Variants in PPP4R1 observed in about 807,000 individuals in gnomAD.
The protein encoded by PPP4R1 is protein phosphatase 4 regulatory subunit 1, also known as serine/threonine-protein phosphatase 4 regulatory subunit 1.
A neutral mutation model predicts 111.2 loss-of-function variants in PPP4R1; 42 were observed. That is an observed-to-expected ratio of 0.38 (90% CI 0.29 to 0.49). The LOEUF (loss-of-function observed/expected upper bound fraction) is 0.49, where lower values mean the gene tolerates loss of function less well. PPP4R1 is among the 20% of genes least tolerant of loss of function. The pLI, the probability that PPP4R1 is intolerant of heterozygous loss-of-function variation, is 0.97. For synonymous variants in PPP4R1, 409 were observed against 405.5 expected (o/e 1.01, Z -0.10); for missense variants, 1,012 against 1,161.6 (o/e 0.87, Z 1.87).
Position 9,588,783 on chromosome 18 carries a change from A to T in PPP4R1, c.366T>A (p.Pro122=). The change falls in exon 5 of 20, where the codon CCT becomes CCA. Residue 122 remains proline (P), a synonymous_variant. Coordinates refer to ENST00000400556, the MANE Select transcript of PPP4R1 (RefSeq NM_001042388.3). The part of the protein sequence containing the change: ...HIALFCQENR[P]SIPYAFSKFL... ...ATTTTGAAAAAGCATATGGTATTGA[A>T]GGCCGGTTTTCTTGACAAAACAGTG... 6.2e-7 allele frequency: 1 copy of T among 1,614,090 alleles called. No individual in the cohort carries two copies. Among genetic ancestry groups the T allele is most frequent in the Non-Finnish European group, 8.5e-7 (1 of 1,179,966 alleles).
intron 15 of PPP4R1, among the ~76,000 whole-genome samples, chr18:9,556,694 C>G (rs112298248): frequency 2.6e-5 from 4 of 152,294 alleles, no homozygotes; most frequent in Admixed American, 1.3e-4. Flanking sequence ...TCTCAAGACG[C>G]CTGAAATACC....
chr18:9,559,193 G>A (rs1307732561), intron 14 of PPP4R1, among the ~76,000 whole-genome samples: 1 of 152,150 alleles, frequency 6.6e-6, no homozygotes, highest in Non-Finnish European at 1.5e-5. Flanking sequence ...TGTTGAATGT[G>A]ATAACAATTT....
At chr18:9,599,692 T>A (rs2067348554) in intron 2 of PPP4R1, 1 of 152,198 alleles carries the variant, frequency 6.6e-6, no homozygotes, top group Non-Finnish European at 1.5e-5. Flanking sequence ...TGGCCTCAGT[T>A]TTCTCCTTTA....
intron 11 of PPP4R1, among the ~76,000 whole-genome samples, chr18:9,569,427 A>G (rs1003139174): frequency 1.3e-5 from 2 of 152,172 alleles, no homozygotes; most frequent in South Asian, 4.1e-4. Flanking sequence ...CAAACATTCT[A>G]TAGTCTTTCC....
chr18:9,558,837 C>G (rs997713944), intron 14 of PPP4R1, among the ~76,000 whole-genome samples: 1 of 151,792 alleles, frequency 6.6e-6, no homozygotes, highest in African/African-American at 2.4e-5. Context: ...AGAGGTCACA[C>G]AAAAGTCACA....
chr18:9,603,632 G>GCCA (rs1217209413), intron 2 of PPP4R1, among the ~76,000 whole-genome samples: 1 of 151,330 alleles, frequency 6.6e-6, no homozygotes, highest in Non-Finnish European at 1.5e-5. Flanking sequence ...AAGTGCATGT[G>GCCA]CCACCCACCA....
At chr18:9,562,216 A>T in intron 12 of PPP4R1, 141 bp from the exon 13 acceptor site, 1 of 619,878 alleles carries the variant, frequency 1.6e-6, no homozygotes, top group South Asian at 2.5e-5. Flanking sequence ...GCTTATAAAC[A>T]TACCTAAGAA....
chr18:9,583,310 A>G (rs1414753293), intron 8 of PPP4R1, 35 bp from the exon 9 acceptor site: 2 of 1,471,032 alleles, frequency 1.4e-6, no homozygotes. Flanking sequence ...TTAGTTGGAT[A>G]AAGATAGCAG....
chr18:9,566,648 GACACACAC>G (rs56772611), intron 11 of PPP4R1, among the ~76,000 whole-genome samples: 10,595 of 144,130 alleles, frequency 0.074, 390 homozygotes, highest in African/African-American at 0.081. Context: ...GAGGCGCTGT[GACACACAC>G]ACACACACAC....
In PPP4R1 at chr18:9,588,214, C is replaced by T. The variant is rs2067152700; in HGVS notation, c.460G>A (p.Ala154Thr). The change falls in exon 6 of 20, where the codon GCT becomes ACT. Residue 154 changes from alanine (A) to threonine (T), a missense_variant. This residue lies in a region of PPP4R1 where 707 missense variants were observed against 742.1 expected (regional missense o/e 0.95). Transcript: ENST00000400556. ...TCCTGCTCCAACAGAGCCAGCAAAG[C>T]TGCCTGACTTGTTTTCCTCACCTAG... Reference protein sequence around the residue: ...NNQVRKTSQAALLALLEQELI... With the variant: ...NNQVRKTSQATLLALLEQELI... 1 of 1,613,898 alleles carries T rather than the reference C, an allele frequency of 6.2e-7. No individual in the cohort carries two copies. The highest frequency in any genetic ancestry group is 1.3e-5 in the African/African-American group (1 of 74,930).
chr18:9,556,126 A>T (rs758768440), intron 15 of PPP4R1, among the ~76,000 whole-genome samples: 2 of 149,422 alleles, frequency 1.3e-5, no homozygotes, highest in African/African-American at 4.9e-5. Flanking sequence ...CTGCCACTGC[A>T]CTCCAGCCTT....
chr18:9,574,475 T>C (rs1322805657), intron 10 of PPP4R1, among the ~76,000 whole-genome samples: 1 of 152,230 alleles, frequency 6.6e-6, no homozygotes, highest in Non-Finnish European at 1.5e-5. Flanking sequence ...ATTTCCAAAT[T>C]TGTGCTAATA....
intron 4 of PPP4R1, among the ~76,000 whole-genome samples, chr18:9,592,595 T>C (rs538277527): frequency 6.6e-6 from 1 of 151,728 alleles, no homozygotes; most frequent in South Asian, 2.1e-4. Context: ...ACTGAATGAA[T>C]GGAATTATGT....
At position 9,570,532 on chromosome 18, in the gene PPP4R1, C is replaced by T. The variant is rs1010670798; in HGVS notation, c.1198G>A (p.Val400Ile). ...CAAAGTAAAGAGCTGTCCAGTGGAA[C>T]ACTAATTTCACCTAGAGGCTTCCCG... is the stretch of plus-strand genomic sequence containing the variant. ...ASGKPLGEIS[V>I]PLDSSLLCTL... Residue 400 changes from valine (V) to isoleucine (I), a missense_variant, in exon 11 of 20, where the codon GTT becomes ATT. By Grantham distance (29) the Val-to-Ile change is conservative (BLOSUM62 3). This residue lies in a region of PPP4R1 where 707 missense variants were observed against 742.1 expected (regional missense o/e 0.95). Coordinates refer to ENST00000400556, the MANE Select transcript of PPP4R1 (RefSeq NM_001042388.3). 2 of 1,614,056 alleles carry T rather than the reference C, an allele frequency of 1.2e-6. No individual in the cohort carries two copies. Among genetic ancestry groups the T allele is most frequent in the South Asian group, 1.1e-5 (1 of 91,090 alleles).
intron 2 of PPP4R1, among the ~76,000 whole-genome samples, chr18:9,610,357 T>C (rs1177926074): frequency 6.6e-6 from 1 of 152,238 alleles, no homozygotes; most frequent in Non-Finnish European, 1.5e-5. Flanking sequence ...TATGTTCAAA[T>C]GGAGTCACTG....
At chr18:9,563,083 T>C (rs766377515) in intron 12 of PPP4R1, 1 of 1,078,740 alleles carries the variant, frequency 9.3e-7, no homozygotes, top group Non-Finnish European at 1.1e-6. Context: ...TTATTCTTGA[T>C]AAAGGGCTTT....
chr18:9,614,130 T>TCAGC lies in PPP4R1; in HGVS notation c.52+92_52+95dup. ...GGGGCCGCCCTCGCCCACCGTCCCCTCAGCCAGCCAGGGCCCGGCCCAGGC... is the reference window on the plus strand; with the variant it reads ...GGGGCCGCCCTCGCCCACCGTCCCCTCAGCCAGCCAGCCAGGGCCCGGCCCAGGC... On this transcript the variant is annotated intron_variant, in intron 2 of 19. Transcript: ENST00000400556. The surrounding 1 kb of genome is among the most constrained non-coding windows in gnomAD (Gnocchi z 4.1). 1 of 1,080,492 alleles carries TCAGC rather than the reference T, an allele frequency of 9.3e-7. No individual in the cohort carries two copies. The highest frequency in any genetic ancestry group is 1.2e-6 in the Non-Finnish European group (1 of 857,372). 66.9% of individuals were successfully genotyped at this position (1,080,492 alleles called of 1,614,324 possible). A position where few individuals can be genotyped will look rare whatever the true frequency, so the allele number is the denominator to read the frequency against.
chr18:9,579,266 A>G (rs2066987169), intron 9 of PPP4R1, among the ~76,000 whole-genome samples: 1 of 152,218 alleles, frequency 6.6e-6, no homozygotes, highest in Non-Finnish European at 1.5e-5. Flanking sequence ...TATTTTTACT[A>G]GTTTCAATGA....
intron 9 of PPP4R1, among the ~76,000 whole-genome samples, chr18:9,582,265 C>G (rs2067041496): frequency 6.6e-6 from 1 of 151,828 alleles, no homozygotes; most frequent in Non-Finnish European, 1.5e-5. Context: ...GTAAAAAGAT[C>G]AACGAAGCTG....
Sources: allele counts gnomAD v4.1 joint callset (sites outside exome capture counted in the v4.1 genomes callset), GRCh38; gene constraint gnomAD v4.1.1; regional missense constraint gnomAD v4.1.1; non-coding constraint Gnocchi (gnomAD v3.1); transcripts MANE v1.5; gene names NCBI Gene and HGNC (gene_info 2026-07-23, HGNC 2026-07-21).